The following TTC23L variants were observed in gnomAD, a reference collection of about 807,000 sequenced individuals.
The protein encoded by TTC23L is tetratricopeptide repeat protein 23-like.
Under a neutral mutation model 48.1 loss-of-function variants are expected in TTC23L, and 42 were observed. The ratio of observed to expected loss-of-function variants is 0.87; its 90% CI spans 0.68 to 1.13. TTC23L has a LOEUF of 1.13. Among genes scored for constraint, TTC23L ranks in the 50% most tolerant of loss-of-function variants. TTC23L has a pLI of 0.00. For synonymous variants in TTC23L, 159 were observed against 157.2 expected, an observed-to-expected ratio of 1.01 and a Z score of -0.09; for missense variants, 391 against 421.0, an observed-to-expected ratio of 0.93 and a Z score of 0.62.
intron 8 of TTC23L, among the ~76,000 whole-genome samples, chr5:34,878,721 G>A (rs1762025131): frequency 6.6e-6 from 1 of 152,134 alleles, no homozygotes; most frequent in Non-Finnish European, 1.5e-5. Context: ...CAGAGAAAAG[G>A]GAACTCTCAT....
rs1480632975 is a variant in TTC23L at position 34,868,762 on chromosome 5, C to T, written c.841-143C>T. ...CCTAATCAGTGGGAATTATATATTC[C>T]TTCTACGAATGAAGGTGAAATTACT... On this transcript the variant is annotated intron_variant, in intron 7 of 10. Transcript: ENST00000505624. The T allele has an allele frequency of 4.4e-6, 3 of 682,062 alleles. No individual in the cohort carries two copies. In the African/African-American group the frequency reaches 5.3e-5, roughly 12 times the overall value. The allele number at this position is 682,062 out of a possible 1,614,324, so 42.3% of individuals were successfully genotyped here.
At chr5:34,848,169 G>C (rs1455750696) in intron 3 of TTC23L, among the ~76,000 whole-genome samples, 1 of 152,098 alleles carries the variant, frequency 6.6e-6, no homozygotes, top group Non-Finnish European at 1.5e-5. Context: ...TTAGGTTTTT[G>C]GTTCCTTGAA....
At chr5:34,874,564 A>C (rs1417475621) in intron 8 of TTC23L, among the ~76,000 whole-genome samples, 1 of 152,124 alleles carries the variant, frequency 6.6e-6, no homozygotes, top group African/African-American at 2.4e-5. Flanking sequence ...TGCTCAATTT[A>C]ACAACAAAAG....
chr5:34,851,754 A>G (rs560102978), intron 4 of TTC23L, among the ~76,000 whole-genome samples: 41 of 152,318 alleles, frequency 2.7e-4, no homozygotes, highest in African/African-American at 8.4e-4. Context: ...TGCCTTCATG[A>G]TAAGAGTCAA....
chr5:34,891,404 A>G (rs557542601), intron 9 of TTC23L, among the ~76,000 whole-genome samples: 1 of 152,318 alleles, frequency 6.6e-6, no homozygotes, highest in African/African-American at 2.4e-5. Context: ...AGTTTTAAAT[A>G]AAATCATGTC....
At chr5:34,842,663 T>G (rs1321607073) in intron 2 of TTC23L, among the ~76,000 whole-genome samples, 1 of 152,086 alleles carries the variant, frequency 6.6e-6, no homozygotes, top group Admixed American at 6.5e-5. Flanking sequence ...AACAACAGGC[T>G]CTAGATGTCA....
the TTC23L span, chr5:34,923,246 T>G: frequency 6.5e-7 from 1 of 1,548,402 alleles, no homozygotes; most frequent in African/African-American, 1.4e-5. Context: ...TAAGCTTTAC[T>G]TGATTTTTAA....
downstream of TTC23L, among the ~76,000 whole-genome samples, chr5:34,901,652 C>T (rs1763514103): frequency 6.6e-6 from 1 of 152,146 alleles, no homozygotes; most frequent in African/African-American, 2.4e-5. Context: ...ATCCCAGCTA[C>T]TCGGGAGGCT....
the TTC23L span, chr5:34,920,787 C>T: frequency 7.9e-5 from 12 of 151,724 alleles, no homozygotes; most frequent in African/African-American, 2.9e-4. Flanking sequence ...CACAAACTTC[C>T]TATTTTTGTG....
chr5:34,922,166 A>G, the TTC23L span: 10 of 1,019,964 alleles, frequency 9.8e-6, no homozygotes, highest in Non-Finnish European at 1.0e-5. Flanking sequence ...TAATTACTTT[A>G]GTTCTCATTT....
At position 34,898,956 on chromosome 5, in the gene TTC23L, C is replaced by T. The variant is rs537249889; in HGVS notation, c.*98-434C>T. On this transcript the variant is annotated intron_variant, in intron 10 of 10. Coordinates refer to ENST00000505624, the Ensembl canonical transcript of TTC23L. ...GGAAATCAGAGGACAGACATCTCAA[C>T]GGCTAGAAACAAGCAAGAGAGATCT... Among the ~76,000 whole-genome samples, 21 of 152,254 alleles carry T rather than the reference C, an allele frequency of 1.4e-4. 1 individual carries two copies. Among genetic ancestry groups the T allele is most frequent in the Admixed American group, 5.2e-4 (8 of 15,302 alleles).
intron 4 of TTC23L, among the ~76,000 whole-genome samples, chr5:34,859,333 C>T (rs904286628): frequency 3.2e-4 from 49 of 152,168 alleles, no homozygotes; most frequent in African/African-American, 1.2e-3. Context: ...TTCCAGTATC[C>T]GAAGCAGAGT....
the TTC23L span, chr5:34,922,144 A>G: frequency 3.6e-6 from 3 of 827,734 alleles, no homozygotes; most frequent in Non-Finnish European, 5.8e-6. Flanking sequence ...TCTGGATGAT[A>G]TTAATCACAT....
At chr5:34,918,829 T>A in the TTC23L span, 1 of 162,170 alleles carries the variant, frequency 6.2e-6, no homozygotes, top group South Asian at 2.0e-4. Flanking sequence ...TTTTTTTTTT[T>A]TTTTTAACTG....
the TTC23L span, chr5:34,906,176 G>A: frequency 6.6e-6 from 1 of 151,836 alleles, no homozygotes; most frequent in Non-Finnish European, 1.5e-5. Flanking sequence ...GGCTGATCTC[G>A]AACTTCCTGA....
rs968788202 is a variant in TTC23L at position 34,868,799 on chromosome 5, CAT to C, written c.841-104_841-103del. The C allele has an allele frequency of 3.4e-6, 3 of 870,394 alleles. No homozygotes were observed. In the African/African-American group the frequency reaches 5.0e-5, roughly 15 times the overall value. The allele number at this position is 870,394 out of a possible 1,614,324, so 53.9% of individuals were successfully genotyped here. ...AAGGTGAAATTACTTGCACAAGACT[CAT>C]AGCTAGGAAGTGGCAGAGCTGGGAC... On this transcript the variant is annotated intron_variant, in intron 7 of 10. Transcript: ENST00000505624.
At chr5:34,923,090 A>G in the TTC23L span, 22 of 1,563,862 alleles carry the variant, frequency 1.4e-5, no homozygotes, top group Non-Finnish European at 1.9e-5. Flanking sequence ...AATATACATG[A>G]TATATCTTGG....
chr5:34,843,612 T>C (rs1441138452), intron 2 of TTC23L, among the ~76,000 whole-genome samples: 1 of 152,230 alleles, frequency 6.6e-6, no homozygotes, highest in Non-Finnish European at 1.5e-5. Flanking sequence ...TAACTTCTGC[T>C]CTAGGTCTGT....
At chr5:34,924,787 A>G in the TTC23L span, 1 of 1,153,232 alleles carries the variant, frequency 8.7e-7, no homozygotes, top group South Asian at 1.3e-5. Context: ...GGTTATAGCC[A>G]GTATACCTTT....
Sources: allele counts gnomAD v4.1 joint callset (sites outside exome capture counted in the v4.1 genomes callset), GRCh38; gene constraint gnomAD v4.1.1; transcripts MANE v1.5; gene names NCBI Gene and HGNC (gene_info 2026-07-23, HGNC 2026-07-21).